The following DUSP8 variants were observed in gnomAD, a reference collection of about 807,000 sequenced individuals.
The protein encoded by DUSP8 is dual specificity phosphatase 8.
In DUSP8, 15 loss-of-function variants were observed where a neutral mutation model predicts 38.7. That is an observed-to-expected ratio of 0.39 (90% CI 0.26 to 0.60). DUSP8 has a LOEUF of 0.60. Among genes scored for constraint, DUSP8 ranks in the 20% least tolerant of loss-of-function variants. The pLI, the probability that DUSP8 is intolerant of heterozygous loss-of-function variation, is 0.56. For missense variants in DUSP8, 768 were observed against 915.0 expected (o/e 0.84, Z 2.07); for synonymous variants, 458 against 433.9 (o/e 1.06, Z -0.69).
Position 1,555,322 on chromosome 11 carries a change from C to T in DUSP8, c.*1196G>A, listed in dbSNP as rs1848605259. 1 of 987,894 alleles carries T rather than the reference C, an allele frequency of 1.0e-6. No homozygotes were observed. Among genetic ancestry groups the T allele is most frequent in the South Asian group, 4.7e-5 (1 of 21,378 alleles). The allele number at this position is 987,894 out of a possible 1,614,324, so 61.2% of individuals were successfully genotyped here. On this transcript the variant is annotated 3_prime_UTR_variant, in exon 7 of 7. Coordinates refer to ENST00000397374, the MANE Select transcript of DUSP8 (RefSeq NM_004420.3). ...ATGGGGGTGGGGGCAAACGAGGGGG[C>T]TTTACCTGTCTTGAGGCAGTGCTCC... is the stretch of plus-strand genomic sequence containing the variant.
Position 1,558,383 on chromosome 11 carries a change from C to G in DUSP8, c.538-112G>C. 1 of 986,070 alleles carries G rather than the reference C, an allele frequency of 1.0e-6. No individual in the cohort carries two copies. The highest frequency in any genetic ancestry group is 1.5e-6 in the Non-Finnish European group (1 of 671,336). 61.1% of individuals were successfully genotyped at this position (986,070 alleles called of 1,614,324 possible). A position where few individuals can be genotyped will look rare whatever the true frequency, so the allele number is the denominator to read the frequency against. ...GGAGGGCCTTTAGAATCCTGGGAGC[C>G]TTGGAATTTGTCCCAGATCCCAGTG... On this transcript the variant is annotated intron_variant, in intron 4 of 6. Transcript: ENST00000397374. The surrounding 1 kb of genome is among the most constrained non-coding windows in gnomAD (Gnocchi z 6.3).
intron 3 of DUSP8, among the ~76,000 whole-genome samples, chr11:1,561,838 C>T (rs1161584198): frequency 2.0e-5 from 3 of 152,130 alleles, no homozygotes; most frequent in Admixed American, 1.3e-4. Flanking sequence ...CTTTCCCACT[C>T]TCCCTGGTTC....
In DUSP8 at chr11:1,572,176, C is replaced by CGGCTCGGGCTCG. The variant is rs933678425; in HGVS notation, c.-396_-385dup. Among the ~76,000 whole-genome samples the CGGCTCGGGCTCG allele has an allele frequency of 4.9e-4, 71 of 145,268 alleles. No individual in the cohort carries two copies. Among genetic ancestry groups the CGGCTCGGGCTCG allele is most frequent in the Non-Finnish European group, 8.7e-4 (57 of 65,522 alleles). On this transcript the variant is annotated 5_prime_UTR_variant, in exon 1 of 7. Coordinates refer to ENST00000397374, the MANE Select transcript of DUSP8 (RefSeq NM_004420.3). This position sits in a 1 kb window ranked among gnomAD's most constrained non-coding sequence, Gnocchi z 4.7. Reference sequence around the variant, plus strand: ...CGGGCGCGGCCGGGAGGTTCCGGCGCGGCTCGGGCTCGGGCTCGGGCTCGG... The same window carrying CGGCTCGGGCTCG: ...CGGGCGCGGCCGGGAGGTTCCGGCGCGGCTCGGGCTCGGGCTCGGGCTCGGGCTCGGGCTCGG...
chr11:1,566,991 C>T (rs1848814563), intron 1 of DUSP8, among the ~76,000 whole-genome samples: 1 of 152,156 alleles, frequency 6.6e-6, no homozygotes, highest in Admixed American at 6.5e-5. Flanking sequence ...TTTACACTCA[C>T]AGCCCCTAGG....
chr11:1,570,593 G>A (rs1452928883), intron 1 of DUSP8, among the ~76,000 whole-genome samples: 2 of 151,510 alleles, frequency 1.3e-5, no homozygotes, highest in South Asian at 2.1e-4. Context: ...AAGCCTCCCC[G>A]AGGACAGAGG....
rs766300825 is a variant in DUSP8, at chr11:1,558,287, G to A, written c.538-16C>T. On this transcript the variant is annotated splice_polypyrimidine_tract_variant and intron_variant, in intron 4 of 6. Coordinates refer to ENST00000397374, the MANE Select transcript of DUSP8 (RefSeq NM_004420.3). The surrounding 1 kb of genome is among the most constrained non-coding windows in gnomAD (Gnocchi z 6.3). ...TCATCAGATCCTGGAGGGGCGGGAG[G>A]GCGGGTTGGAAAGGGGTGGGAGAAG... 5 of 645,842 alleles carry A rather than the reference G, an allele frequency of 7.7e-6. No individual in the cohort carries two copies. The highest frequency in any genetic ancestry group is 1.1e-5 in the Non-Finnish European group (4 of 354,186). The allele number at this position is 645,842 out of a possible 1,614,324, so 40.0% of individuals were successfully genotyped here. A position where few individuals can be genotyped will look rare whatever the true frequency, so the allele number is the denominator to read the frequency against.
chr11:1,559,081 G>C lies in DUSP8; in HGVS notation c.371-26C>G, dbSNP rs761595902. ...CTGTAGGAGGAGGGCCGTCAAGTGG[G>C]TTGAGAGAACACCTAGGGCTCCCTG... is the stretch of plus-strand genomic sequence containing the variant. On this transcript the variant is annotated intron_variant, in intron 3 of 6. Coordinates refer to ENST00000397374, the MANE Select transcript of DUSP8 (RefSeq NM_004420.3). 8 of 1,603,086 alleles carry C rather than the reference G, an allele frequency of 5.0e-6. No homozygotes were observed. The South Asian group carries it at 8.8e-5, about 18-fold the overall frequency.
intron 2 of DUSP8, among the ~76,000 whole-genome samples, chr11:1,564,798 GGGGT>G (rs1848776870): frequency 6.6e-6 from 1 of 152,210 alleles, no homozygotes; most frequent in African/African-American, 2.4e-5. Context: ...TTCTGGCCTT[GGGGT>G]GGGCGGACTC....
intron 3 of DUSP8, among the ~76,000 whole-genome samples, chr11:1,560,957 AC>A (rs1848708482): frequency 6.6e-6 from 1 of 152,120 alleles, no homozygotes; most frequent in Non-Finnish European, 1.5e-5. Context: ...GGTGCAGAGA[AC>A]CGACAGCTAT....
chr11:1,565,498 G>T, intron 2 of DUSP8, 98 bp downstream of exon 2: 1 of 978,150 alleles, frequency 1.0e-6, no homozygotes, highest in South Asian at 1.5e-5. Flanking sequence ...GTCGAGTTTG[G>T]ACTGGAAGGC....
intron 1 of DUSP8, among the ~76,000 whole-genome samples, chr11:1,570,103 C>T (rs899639948): frequency 3.6e-4 from 54 of 151,198 alleles, no homozygotes; most frequent in African/African-American, 1.2e-3. Flanking sequence ...TGGGGTGGGG[C>T]GGGGGGCTCC....
chr11:1,571,069 G>A (rs527626014), intron 1 of DUSP8, among the ~76,000 whole-genome samples: 2 of 152,238 alleles, frequency 1.3e-5, no homozygotes, highest in East Asian at 3.9e-4. Context: ...CTCAGCAGAG[G>A]CCGGTACACC....
At chr11:1,570,799 C>T (rs1382009231) in intron 1 of DUSP8, among the ~76,000 whole-genome samples, 1 of 152,106 alleles carries the variant, frequency 6.6e-6, no homozygotes, top group Non-Finnish European at 1.5e-5. Flanking sequence ...GTGCTACATT[C>T]ACCCCTGGAC....
At chr11:1,561,536 C>T (rs901902178) in intron 3 of DUSP8, among the ~76,000 whole-genome samples, 2 of 152,246 alleles carry the variant, frequency 1.3e-5, no homozygotes, top group Non-Finnish European at 1.5e-5. Context: ...CATCCCTTGC[C>T]GCTTGCCCCC....
chr11:1,566,985 C>T (rs748197422), intron 1 of DUSP8, among the ~76,000 whole-genome samples: 4 of 152,180 alleles, frequency 2.6e-5, no homozygotes, highest in Non-Finnish European at 5.9e-5. Flanking sequence ...GTCCACTTTA[C>T]ACTCACAGCC....
rs1024762659 is a variant in DUSP8, at chr11:1,572,234, G to T, written c.-442C>A. ...CGTCCGGCGTCCGGCGGGGCGTCGT[G>T]GGGGGAGCCGGCTCGGCCGCCGCGC... On this transcript the variant is annotated 5_prime_UTR_variant, in exon 1 of 7. Transcript: ENST00000397374. The surrounding 1 kb of genome is among the most constrained non-coding windows in gnomAD (Gnocchi z 4.7). 5.4e-5 allele frequency among the ~76,000 whole-genome samples: 8 copies of T among 147,088 alleles called. No individual in the cohort carries two copies. Among genetic ancestry groups the T allele is most frequent in the South Asian group, 2.1e-4 (1 of 4,790 alleles).
Position 1,558,848 on chromosome 11 carries a change from C to CT in DUSP8, c.537+40dup, listed in dbSNP as rs1477482523. ...CAAGCTGCTTCTGGAGCTCCTGCCC[C>CT]TTTCCCATTGACCACCCCCCGAACT... On this transcript the variant is annotated intron_variant, in intron 4 of 6. Coordinates refer to ENST00000397374, the MANE Select transcript of DUSP8 (RefSeq NM_004420.3). This position sits in a 1 kb window ranked among gnomAD's most constrained non-coding sequence, Gnocchi z 6.3. The CT allele has an allele frequency of 8.3e-6, 13 of 1,569,754 alleles. No homozygotes were observed. Among genetic ancestry groups the CT allele is most frequent in the Non-Finnish European group, 1.1e-5 (13 of 1,154,650 alleles).
intron 3 of DUSP8, among the ~76,000 whole-genome samples, chr11:1,562,366 TCCTGTTA>T (rs1197012368): frequency 6.6e-6 from 1 of 151,844 alleles, no homozygotes; most frequent in Admixed American, 6.6e-5. Flanking sequence ...TTGGGAGGGG[TCCTGTTA>T]CACCTGGTGA....
At position 1,554,161 on chromosome 11, in the gene DUSP8, G is replaced by A. The variant is rs1457484576; in HGVS notation, c.*2357C>T. 6.5e-6 allele frequency: 1 copy of A among 152,758 alleles called. No individual in the cohort carries two copies. Among genetic ancestry groups the A allele is most frequent in the Non-Finnish European group, 1.5e-5 (1 of 68,398 alleles). The allele number at this position is 152,758 out of a possible 1,614,324, so 9.5% of individuals were successfully genotyped here. The stretch of plus-strand genomic sequence containing the variant: ...GGAGGGGCTCCAAGGGGGGCTGAAG[G>A]GCCGGCAGCCCAGTCTACAGAGACT... On this transcript the variant is annotated 3_prime_UTR_variant, in exon 7 of 7. Coordinates refer to ENST00000397374, the MANE Select transcript of DUSP8 (RefSeq NM_004420.3).
Sources: gnomAD v4.1 joint callset for allele counts (sites outside exome capture counted in the v4.1 genomes callset) on GRCh38, gnomAD v4.1.1 for gene constraint, Gnocchi (gnomAD v3.1) non-coding constraint, MANE v1.5 for transcripts, NCBI Gene and HGNC (gene_info 2026-07-23, HGNC 2026-07-21) for gene names.